CYFIP2: variants seen among roughly 807,000 people sequenced by gnomAD.
CYFIP2 encodes the protein cytoplasmic FMR1 interacting protein 2, also known as cytoplasmic FMR1-interacting protein 2.
CYFIP2 carries 29 observed loss-of-function variants against 158.7 expected under a neutral mutation model. The observed-to-expected ratio is 0.18, with a 90% CI of 0.14 to 0.25. CYFIP2 has a LOEUF of 0.25. CYFIP2 is among the 10% of genes least tolerant of loss of function. The probability of loss-of-function intolerance (pLI) is 1.00; values close to 1 mark genes in which losing one functional copy is unlikely to be tolerated. For synonymous variants in CYFIP2, 585 were observed against 617.6 expected (o/e 0.95, Z 0.78); for missense variants, 852 against 1,639.5 (o/e 0.52, Z 8.29).
chr5:157,388,895 C>CA (rs1216862130), intron 28 of CYFIP2, among the ~76,000 whole-genome samples: 1 of 152,204 alleles, frequency 6.6e-6, no homozygotes, highest in Admixed American at 6.5e-5. Flanking sequence ...CTAGTAGTAT[C>CA]ATGTCAGTCT....
intron 28 of CYFIP2, chr5:157,384,445 G>A (rs1373870793): frequency 1.1e-5 from 5 of 456,608 alleles, no homozygotes; most frequent in African/African-American, 2.0e-5. Flanking sequence ...GCATTCCGGC[G>A]GTCCTCTTTG....
intron 21 of CYFIP2, among the ~76,000 whole-genome samples, chr5:157,334,367 G>T (rs545354488): frequency 6.6e-6 from 1 of 152,230 alleles, no homozygotes; most frequent in African/African-American, 2.4e-5. Flanking sequence ...ACGTAATGCC[G>T]CAGTACACCT....
In CYFIP2 at chr5:157,395,431, A is replaced by G. The variant is rs554398670; in HGVS notation, c.*2431A>G. ...TTGTACAATGAATTTACATTTATTT[A>G]TGGTGACATATTTACGCTTGTGATC... On this transcript the variant is annotated 3_prime_UTR_variant, in exon 31 of 31. Coordinates refer to ENST00000620254, the MANE Select transcript of CYFIP2 (RefSeq NM_001037333.3). The G allele has an allele frequency of 1.5e-5, 6 of 388,288 alleles. No individual in the cohort carries two copies. The highest frequency in any genetic ancestry group is 2.5e-5 in the Non-Finnish European group (5 of 202,504). The allele number at this position is 388,288 out of a possible 1,614,324, so 24.1% of individuals were successfully genotyped here.
chr5:157,312,466 C>T (rs893768791), intron 11 of CYFIP2, among the ~76,000 whole-genome samples: 1 of 152,126 alleles, frequency 6.6e-6, no homozygotes, highest in East Asian at 1.9e-4. Context: ...ATATATCCTT[C>T]TGATACTCAT....
intron 1 of CYFIP2, among the ~76,000 whole-genome samples, chr5:157,272,136 A>G (rs966480849): frequency 4.6e-5 from 7 of 152,240 alleles, no homozygotes; most frequent in African/African-American, 4.8e-5. Flanking sequence ...TTTAGCCCCC[A>G]CCAAGATCTT....
intron 1 of CYFIP2, among the ~76,000 whole-genome samples, chr5:157,270,065 G>A (rs1476751529): frequency 6.6e-6 from 1 of 152,212 alleles, no homozygotes; most frequent in East Asian, 1.9e-4. Flanking sequence ...GATCATTCTG[G>A]TTGCGTGGCA....
At position 157,300,914 on chromosome 5, in the gene CYFIP2, C is replaced by G. The variant is rs574422657; in HGVS notation, c.569+18C>G. 5.2e-6 allele frequency: 8 copies of G among 1,532,628 alleles called. No homozygotes were observed. The highest frequency in any genetic ancestry group is 7.1e-6 in the Non-Finnish European group (8 of 1,132,176). The allele number at this position is 1,532,628 out of a possible 1,614,324, so 94.9% of individuals were successfully genotyped here. On this transcript the variant is annotated intron_variant, in intron 6 of 30. Transcript: ENST00000620254. ...TACAAGAGGTCAGGGCAACCTCCCC[C>G]TCTCCCCTTTCCCCATCCAGGCCCC...
At chr5:157,382,714 C>G in intron 27 of CYFIP2, 52 bp downstream of exon 27, 1 of 1,561,396 alleles carries the variant, frequency 6.4e-7, no homozygotes, top group Admixed American at 1.7e-5. Context: ...GAACCTTATT[C>G]TCACTTCCTA....
At position 157,328,462 on chromosome 5, in the gene CYFIP2, G is replaced by A. The variant is rs572921684; in HGVS notation, c.2156+413G>A. On this transcript the variant is annotated intron_variant, in intron 19 of 30. Coordinates refer to ENST00000620254, the MANE Select transcript of CYFIP2 (RefSeq NM_001037333.3). The stretch of plus-strand genomic sequence containing the variant: ...AACGAGGTGAAGGATGGGGCAGGAC[G>A]TTGCAGGCAAAAGGAACTGCTTGTG... 2.6e-5 allele frequency among the ~76,000 whole-genome samples: 4 copies of A among 152,360 alleles called. No homozygotes were observed. The East Asian group carries it at 5.8e-4, about 22-fold the overall frequency.
At chr5:157,316,807 C>T (rs1760183136) in intron 13 of CYFIP2, among the ~76,000 whole-genome samples, 1 of 152,088 alleles carries the variant, frequency 6.6e-6, no homozygotes, top group Admixed American at 6.5e-5. Context: ...TAGATGAGCT[C>T]TGAAAACTTA....
intron 23 of CYFIP2, among the ~76,000 whole-genome samples, chr5:157,354,742 A>G (rs951576733): frequency 6.6e-6 from 1 of 152,100 alleles, no homozygotes; most frequent in East Asian, 1.9e-4. Context: ...GGGGCCTCCA[A>G]AGTGAACCGA....
chr5:157,327,907 G>C (rs541707959), intron 18 of CYFIP2, 66 bp from the exon 19 acceptor site: 1 of 1,506,714 alleles, frequency 6.6e-7, no homozygotes, highest in Admixed American at 1.7e-5. Flanking sequence ...CTGTCTTTCA[G>C]TTGGCTCAGT....
intron 23 of CYFIP2, among the ~76,000 whole-genome samples, chr5:157,343,858 T>C (rs1481423566): frequency 1.3e-5 from 2 of 151,858 alleles, no homozygotes; most frequent in Admixed American, 6.6e-5. Context: ...ATTGTTCTCA[T>C]CCCCTTAAGA....
intron 26 of CYFIP2, among the ~76,000 whole-genome samples, chr5:157,372,577 T>C (rs1210393336): frequency 6.6e-6 from 1 of 152,170 alleles, no homozygotes; most frequent in Non-Finnish European, 1.5e-5. Flanking sequence ...GGTTTTTGTC[T>C]TTTCCAGCTA....
chr5:157,392,478 T>C (rs1002349509), intron 30 of CYFIP2, among the ~76,000 whole-genome samples: 4 of 152,258 alleles, frequency 2.6e-5, no homozygotes, highest in African/African-American at 9.6e-5. Context: ...TTGAAAAGGC[T>C]GTTTCCCCCA....
intron 23 of CYFIP2, among the ~76,000 whole-genome samples, chr5:157,352,926 T>C (rs536516586): frequency 1.3e-5 from 2 of 151,984 alleles, no homozygotes; most frequent in South Asian, 2.1e-4. Flanking sequence ...AGCAGAGAGA[T>C]GGGAAGATTG....
chr5:157,277,468 C>T (rs1321898346), intron 1 of CYFIP2, among the ~76,000 whole-genome samples: 1 of 152,198 alleles, frequency 6.6e-6, no homozygotes, highest in Non-Finnish European at 1.5e-5. Flanking sequence ...TCTCCTCTCT[C>T]CTATGTTGTC....
intron 26 of CYFIP2, among the ~76,000 whole-genome samples, chr5:157,381,541 A>AC: frequency 6.6e-6 from 1 of 151,266 alleles, no homozygotes; most frequent in Non-Finnish European, 1.5e-5. Context: ...AAAAAAAAAA[A>AC]AAAAAAGGGG....
intron 28 of CYFIP2, 106 bp from the exon 29 acceptor site, chr5:157,389,083 A>G: frequency 9.0e-7 from 1 of 1,108,242 alleles, no homozygotes; most frequent in Non-Finnish European, 1.3e-6. Flanking sequence ...GTTCTGGTGA[A>G]CCAATTTCAG....
Sources: gnomAD v4.1 joint callset for allele counts (sites outside exome capture counted in the v4.1 genomes callset) on GRCh38, gnomAD v4.1.1 for gene constraint, MANE v1.5 for transcripts, NCBI Gene and HGNC (gene_info 2026-07-23, HGNC 2026-07-21) for gene names.